FRMD3: variants seen among roughly 807,000 people sequenced by gnomAD.
The protein encoded by FRMD3 is FERM domain containing 3, also known as FERM domain-containing protein 3.
Under a neutral mutation model 70.2 loss-of-function variants are expected in FRMD3, and 33 were observed. That is an observed-to-expected ratio of 0.47 (90% confidence interval 0.36 to 0.63). FRMD3 has a LOEUF of 0.63. FRMD3 is among the 20% of genes least tolerant of loss of function. The probability of loss-of-function intolerance (pLI) is 0.00; values close to 1 mark genes in which losing one functional copy is unlikely to be tolerated. For missense variants in FRMD3, 632 were observed against 711.4 expected (o/e 0.89, Z 1.27); for synonymous variants, 279 against 255.9 (o/e 1.09, Z -0.86).
chr9:83,538,038 C>T lies in FRMD3; in HGVS notation c.147+47G>A. 6.2e-7 allele frequency: 1 copy of T among 1,601,770 alleles called. No homozygotes were observed. Among genetic ancestry groups the T allele is most frequent in the Non-Finnish European group, 8.5e-7 (1 of 1,172,054 alleles). ...CATGCCCACCGCAAAGGCCCCCCGC[C>T]CTGCTCCCGGCGTGTGCCCCGCGCC... On this transcript the variant is annotated intron_variant, in intron 1 of 13. Coordinates refer to ENST00000304195, the MANE Select transcript of FRMD3 (RefSeq NM_174938.6). The surrounding 1 kb of genome is among the most constrained non-coding windows in gnomAD (Gnocchi z 4.7).
At chr9:83,507,736 A>ATCTATCTATCTATC (rs1334522690) in intron 1 of FRMD3, among the ~76,000 whole-genome samples, 34 of 88,698 alleles carry the variant, frequency 3.8e-4, no homozygotes, top group South Asian at 1.3e-3. Flanking sequence ...ATATATATAT[A>ATCTATCTATCTATC]TATCTTCTGG....
At chr9:83,567,242 C>A in the FRMD3 span, among the ~76,000 whole-genome samples, 1 of 152,324 alleles carries the variant, frequency 6.6e-6, no homozygotes, top group Admixed American at 6.5e-5. Context: ...TGGCCCCTTT[C>A]AGCCACAGCT....
intron 3 of FRMD3, among the ~76,000 whole-genome samples, chr9:83,369,370 GT>G (rs1270247694): frequency 6.6e-6 from 1 of 152,042 alleles, no homozygotes; most frequent in African/African-American, 2.4e-5. Flanking sequence ...GAGGTCAGGA[GT>G]TCAAGACCAG....
chr9:83,485,147 G>A (rs1224363955), intron 1 of FRMD3, among the ~76,000 whole-genome samples: 2 of 152,162 alleles, frequency 1.3e-5, no homozygotes, highest in Non-Finnish European at 2.9e-5. Context: ...AGAGGGGCTG[G>A]GAAAGCCCAT....
chr9:83,550,747 G>T, the FRMD3 span, among the ~76,000 whole-genome samples: 1 of 149,616 alleles, frequency 6.7e-6, no homozygotes, highest in African/African-American at 2.5e-5. Context: ...AATTGTGAAT[G>T]TAATTGTCTT....
At chr9:83,516,425 T>C (rs1486049392) in intron 1 of FRMD3, among the ~76,000 whole-genome samples, 2 of 152,216 alleles carry the variant, frequency 1.3e-5, no homozygotes, top group Non-Finnish European at 2.9e-5. Flanking sequence ...GAGTTAACTA[T>C]GCTAAATATA....
chr9:83,514,553 G>A (rs1345686785), intron 1 of FRMD3, among the ~76,000 whole-genome samples: 3 of 152,306 alleles, frequency 2.0e-5, no homozygotes, highest in Non-Finnish European at 2.9e-5. Context: ...AGACTTAAAC[G>A]TTCCAGCCTG....
At chr9:83,574,209 T>C in the FRMD3 span, among the ~76,000 whole-genome samples, 1 of 152,334 alleles carries the variant, frequency 6.6e-6, no homozygotes, top group East Asian at 1.9e-4. Flanking sequence ...CCATTATTTC[T>C]TTAGTGTAAT....
chr9:83,385,012 G>C (rs1415458671), intron 2 of FRMD3, among the ~76,000 whole-genome samples: 2 of 151,998 alleles, frequency 1.3e-5, no homozygotes, highest in East Asian at 3.9e-4. Flanking sequence ...GCTGGATTTG[G>C]GGAAATAAAA....
intron 6 of FRMD3, among the ~76,000 whole-genome samples, chr9:83,318,497 G>GTA (rs758363007): frequency 3.2e-4 from 49 of 151,252 alleles, no homozygotes; most frequent in South Asian, 1.7e-3. Context: ...GTGTGTGTGT[G>GTA]TATATATATA....
chr9:83,258,366 T>C (rs1044640765), intron 13 of FRMD3, among the ~76,000 whole-genome samples: 2 of 152,234 alleles, frequency 1.3e-5, no homozygotes, highest in Non-Finnish European at 2.9e-5. Flanking sequence ...CTGAGCATAT[T>C]TGCAACAGAA....
At chr9:83,375,463 C>T (rs551070691) in intron 2 of FRMD3, among the ~76,000 whole-genome samples, 1 of 152,206 alleles carries the variant, frequency 6.6e-6, no homozygotes, top group Non-Finnish European at 1.5e-5. Flanking sequence ...TTTTCCAGAA[C>T]AGCTATTCTT....
At chr9:83,581,124 T>C in the FRMD3 span, among the ~76,000 whole-genome samples, 1 of 151,878 alleles carries the variant, frequency 6.6e-6, no homozygotes, top group Non-Finnish European at 1.5e-5. Flanking sequence ...TAAAATAAAT[T>C]TTAAAATGCT....
chr9:83,263,667 T>C (rs887288635), intron 13 of FRMD3, among the ~76,000 whole-genome samples: 1 of 152,070 alleles, frequency 6.6e-6, no homozygotes, highest in African/African-American at 2.4e-5. Flanking sequence ...ATTATCTACA[T>C]AGAAAAGAGA....
chr9:83,560,682 T>C, the FRMD3 span, among the ~76,000 whole-genome samples: 1,726 of 152,352 alleles, frequency 0.011, 31 homozygotes, highest in African/African-American at 0.04. Context: ...AGACTACATG[T>C]GCCTCACAGT....
chr9:83,286,547 G>A (rs1388325380), intron 13 of FRMD3, among the ~76,000 whole-genome samples: 2 of 152,134 alleles, frequency 1.3e-5, no homozygotes, highest in Non-Finnish European at 2.9e-5. Context: ...GGTCAGGCTA[G>A]TCTCGAACTC....
intron 3 of FRMD3, among the ~76,000 whole-genome samples, chr9:83,357,641 T>C (rs1474976636): frequency 1.3e-5 from 2 of 152,168 alleles, no homozygotes; most frequent in Middle Eastern, 3.2e-3. Flanking sequence ...ACGTATCACA[T>C]TGTGGTTTTT....
chr9:83,572,223 C>T, the FRMD3 span, among the ~76,000 whole-genome samples: 2 of 151,640 alleles, frequency 1.3e-5, no homozygotes, highest in African/African-American at 2.4e-5. Context: ...CATTTGTAGT[C>T]TAATGAGAAG....
chr9:83,298,750 G>A lies in FRMD3; in HGVS notation c.1068C>T (p.His356=), dbSNP rs945740720. Residue 356 remains histidine (H), a splice_region_variant and synonymous_variant, in exon 12 of 14, where the codon CAC becomes CAT. Transcript: ENST00000304195. Reference sequence around the variant, plus strand: ...ACCCACAGTGATCATCCACTCACCTGTGCACCTCAGGAGGCTCCCTCTGGA... The same window carrying A: ...ACCCACAGTGATCATCCACTCACCTATGCACCTCAGGAGGCTCCCTCTGGA... ...SKIQREPPEV[H]RANITQSRSS... is the part of the protein sequence containing the mutation. 6.2e-7 allele frequency: 1 copy of A among 1,613,794 alleles called. No individual in the cohort carries two copies. Among genetic ancestry groups the A allele is most frequent in the Non-Finnish European group, 8.5e-7 (1 of 1,179,770 alleles).
Sources: gnomAD v4.1 joint callset for allele counts (sites outside exome capture counted in the v4.1 genomes callset) on GRCh38, gnomAD v4.1.1 for gene constraint, Gnocchi (gnomAD v3.1) non-coding constraint, MANE v1.5 for transcripts, NCBI Gene and HGNC (gene_info 2026-07-23, HGNC 2026-07-21) for gene names.